DDX55: variants seen among roughly 807,000 people sequenced by gnomAD.
DDX55 encodes the protein ATP-dependent RNA helicase DDX55.
DDX55 carries 56 observed loss-of-function variants against 69.2 expected under a neutral mutation model. That is an observed-to-expected ratio of 0.81 (90% CI 0.65 to 1.01). DDX55 has a LOEUF of 1.01. DDX55 is among the 50% of genes least tolerant of loss of function. The pLI, the probability that DDX55 is intolerant of heterozygous loss-of-function variation, is 0.00. For missense variants in DDX55, 720 were observed against 745.1 expected, an observed-to-expected ratio of 0.97 and a Z score of 0.39; for synonymous variants, 268 against 273.1, an observed-to-expected ratio of 0.98 and a Z score of 0.18.
intron 7 of DDX55, among the ~76,000 whole-genome samples, chr12:123,612,636 C>G (rs975343789): frequency 3.3e-5 from 5 of 151,722 alleles, no homozygotes; most frequent in African/African-American, 1.2e-4. Context: ...AATCTCAGAC[C>G]TACTGAATCA....
intron 9 of DDX55, 92 bp downstream of exon 9, chr12:123,615,408 G>T: frequency 6.6e-7 from 1 of 1,520,952 alleles, no homozygotes; most frequent in South Asian, 1.2e-5. Context: ...TGTGCTGTCC[G>T]CATGTGTTGT....
At chr12:123,609,882 CTG>C in intron 6 of DDX55, 55 bp from the exon 7 acceptor site, 1 of 1,567,532 alleles carries the variant, frequency 6.4e-7, no homozygotes, top group Non-Finnish European at 8.6e-7. Flanking sequence ...TCGTGAAGCA[CTG>C]TGTGTTGATT....
At chr12:123,604,629 A>G (rs1171364260) in intron 1 of DDX55, among the ~76,000 whole-genome samples, 1 of 152,190 alleles carries the variant, frequency 6.6e-6, no homozygotes, top group East Asian at 1.9e-4. Flanking sequence ...TCCAAATCAA[A>G]GTGTACTCTG....
rs765405824 is a variant in DDX55 at position 123,607,465 on chromosome 12, C to G, written c.280C>G (p.Leu94Val). The part of the protein sequence containing the change: ...GAIIITPTRE[L>V]AIQIDEVLSH... ...CATAATCATCACCCCCACTCGAGAG[C>G]TGGCCATTCAAATAGACGAGGTCCT... The change falls in exon 4 of 14, where the codon CTG becomes GTG. Residue 94 changes from leucine to valine, a missense_variant. Leu to Val is a conservative substitution (Grantham distance 32). Transcript: ENST00000238146. The G allele has an allele frequency of 2.0e-5, 33 of 1,614,010 alleles. No individual in the cohort carries two copies. The Admixed American group carries it at 3.7e-4, about 18-fold the overall frequency.
Position 123,620,264 on chromosome 12 carries a change from G to A in DDX55, c.*124G>A. ...TCTGAAAAGAATGATGTCTCTGAAAGCTGTCCTTTCAGATGAGGGAGAAAT... is the reference window on the plus strand; with the variant it reads ...TCTGAAAAGAATGATGTCTCTGAAAACTGTCCTTTCAGATGAGGGAGAAAT... On this transcript the variant is annotated 3_prime_UTR_variant, in exon 14 of 14. Transcript: ENST00000238146. 2 of 936,028 alleles carry A rather than the reference G, an allele frequency of 2.1e-6. No individual in the cohort carries two copies. The highest frequency in any genetic ancestry group is 3.1e-6 in the Non-Finnish European group (2 of 638,692). 58.0% of individuals were successfully genotyped at this position (936,028 alleles called of 1,614,324 possible).
At position 123,618,645 on chromosome 12, in the gene DDX55, A is replaced by G; in HGVS notation, c.1165-24A>G. ...TATGATGCCAGCCAGGGAAGGTGAG[A>G]ATGTGGTATGTGTGTGTGTGTAGTG... On this transcript the variant is annotated intron_variant, in intron 11 of 13. Transcript: ENST00000238146. 1.9e-6 allele frequency: 3 copies of G among 1,602,520 alleles called. No homozygotes were observed. In the South Asian group the frequency reaches 3.3e-5, roughly 18 times the overall value.
intron 6 of DDX55, among the ~76,000 whole-genome samples, chr12:123,609,162 G>C (rs114321347): frequency 1.9e-3 from 291 of 151,938 alleles, no homozygotes; most frequent in African/African-American, 6.7e-3. Context: ...ATGTTGCCCA[G>C]TCTGTTCTCA....
intron 10 of DDX55, 137 bp from the exon 11 acceptor site, chr12:123,617,621 A>G: frequency 1.8e-6 from 1 of 564,310 alleles, no homozygotes; most frequent in South Asian, 3.1e-5. Flanking sequence ...CACACTAGTA[A>G]GTGGCCGAGT....
rs922339543 is a variant in DDX55, at chr12:123,602,162, C to T, written c.14C>T (p.Thr5Ile). Residue 5 changes from threonine (T) to isoleucine (I), a missense_variant, in exon 1 of 14, where the codon ACA becomes ATA. Physicochemically the swap from Thr to Ile is moderately conservative, Grantham distance 89. Coordinates refer to ENST00000238146, the MANE Select transcript of DDX55 (RefSeq NM_020936.3). Reference protein sequence around the residue: MEHVTEGSWESLPVP... With the variant: MEHVIEGSWESLPVP... Reference sequence around the variant, plus strand: ...AAGGAGCGCGCCATGGAGCATGTGACAGAGGGCTCCTGGGAGTCGCTGCCT... The same window carrying T: ...AAGGAGCGCGCCATGGAGCATGTGATAGAGGGCTCCTGGGAGTCGCTGCCT... The T allele has an allele frequency of 1.0e-5, 16 of 1,558,440 alleles. No individual in the cohort carries two copies. The highest frequency in any genetic ancestry group is 1.9e-5 in the Admixed American group (1 of 52,406).
Position 123,609,982 on chromosome 12 carries a change from G to A in DDX55, c.595G>A (p.Gly199Ser). Residue 199 changes from glycine to serine, a missense_variant, in exon 7 of 14, where the codon GGC (glycine) becomes AGC (serine). By Grantham distance (56) the Gly-to-Ser change is moderately conservative. Coordinates refer to ENST00000238146, the MANE Select transcript of DDX55 (RefSeq NM_020936.3). The part of the protein sequence containing the change: ...LEFLPKQRRT[G>S]LFSATQTQEV... ...GTTTTTGCCAAAGCAGAGGAGAACAGGCCTTTTCTCTGCCACTCAGACGCA... is the reference window on the plus strand; with the variant it reads ...GTTTTTGCCAAAGCAGAGGAGAACAAGCCTTTTCTCTGCCACTCAGACGCA... The A allele has an allele frequency of 6.2e-7, 1 of 1,614,138 alleles. No homozygotes were observed. The highest frequency in any genetic ancestry group is 8.5e-7 in the Non-Finnish European group (1 of 1,180,028).
At chr12:123,608,906 G>C in intron 6 of DDX55, 77 bp downstream of exon 6, 2 of 1,268,570 alleles carry the variant, frequency 1.6e-6, no homozygotes, top group South Asian at 3.8e-5. Context: ...GGAGTTTACT[G>C]TTTCATGACT....
intron 1 of DDX55, among the ~76,000 whole-genome samples, chr12:123,604,360 T>C (rs1020527956): frequency 2.0e-5 from 3 of 152,286 alleles, no homozygotes; most frequent in African/African-American, 7.2e-5. Flanking sequence ...CTGGGCAACA[T>C]AGGGAGGCCC....
In DDX55 at chr12:123,609,478, G is replaced by C. The variant is rs138473721; in HGVS notation, c.552-461G>C. Reference sequence around the variant, plus strand: ...CGACCTTTACTTCCTGGGCTTAAGTGATCCTCCCACCTCAGCCTCCTGAGT... The same window carrying C: ...CGACCTTTACTTCCTGGGCTTAAGTCATCCTCCCACCTCAGCCTCCTGAGT... On this transcript the variant is annotated intron_variant, in intron 6 of 13. Transcript: ENST00000238146. Among the ~76,000 whole-genome samples the C allele has an allele frequency of 4.4e-3, 650 of 148,074 alleles. 14 individuals are homozygous for C. Among genetic ancestry groups the C allele is most frequent in the Admixed American group, 0.041 (597 of 14,690 alleles).
chr12:123,614,435 T>G (rs1256016643), intron 8 of DDX55, among the ~76,000 whole-genome samples: 1 of 152,230 alleles, frequency 6.6e-6, no homozygotes, highest in Non-Finnish European at 1.5e-5. Flanking sequence ...TGCCACTTAC[T>G]CTGTGTCTCT....
chr12:123,617,685 C>A, intron 10 of DDX55, 73 bp from the exon 11 acceptor site: 2 of 1,366,906 alleles, frequency 1.5e-6, no homozygotes, highest in Non-Finnish European at 1.0e-6. Context: ...GCTGCAGCAG[C>A]CATGTGGCTG....
chr12:123,616,844 G>A, intron 10 of DDX55: 2 of 466,476 alleles, frequency 4.3e-6, no homozygotes, highest in Middle Eastern at 5.2e-4. Context: ...GACAATGAGA[G>A]AAAACAAAAA....
rs532452790 is a variant in DDX55, at chr12:123,613,200, C to T, written c.772C>T (p.Leu258=). 8.1e-6 allele frequency: 13 copies of T among 1,614,088 alleles called. No individual in the cohort carries two copies. Among genetic ancestry groups the T allele is most frequent in the South Asian group, 3.3e-5 (3 of 91,076 alleles). ...VCKADEKFNQ[L]VHFLRNHKQE... is the part of the protein sequence containing the mutation. ...CAAGGCAGATGAGAAATTTAATCAG[C>T]TGGTCCATTTTCTTCGCAATCATAA... The change falls in exon 8 of 14, where the codon CTG becomes TTG. Residue 258 remains leucine, a synonymous_variant. Transcript: ENST00000238146.
rs752354140 is a variant in DDX55, at chr12:123,606,056, A to G, written c.160-17A>G. On this transcript the variant is annotated splice_polypyrimidine_tract_variant and intron_variant, in intron 2 of 13. Transcript: ENST00000238146. ...AACTCTGAGGAAGAAAGGGAAACCA[A>G]AACTCTCTGTTTGCAGGTCACAGGT... 6.8e-7 allele frequency: 1 copy of G among 1,475,606 alleles called. No individual in the cohort carries two copies. The highest frequency in any genetic ancestry group is 9.1e-7 in the Non-Finnish European group (1 of 1,103,272). 91.4% of individuals were successfully genotyped at this position (1,475,606 alleles called of 1,614,324 possible).
rs751343691 is a variant in DDX55, at chr12:123,620,160, C to T, written c.*20C>T. On this transcript the variant is annotated 3_prime_UTR_variant, in exon 14 of 14. Coordinates refer to ENST00000238146, the MANE Select transcript of DDX55 (RefSeq NM_020936.3). ...TGCTGATTCCAGTGCCACAGATGAA[C>T]CCACAAGGACATAGCTGTTCCCTAA... 15 of 1,607,290 alleles carry T rather than the reference C, an allele frequency of 9.3e-6. No homozygotes were observed. Among genetic ancestry groups the T allele is most frequent in the Admixed American group, 1.7e-5 (1 of 59,096 alleles).
Sources: gnomAD v4.1 joint callset for allele counts (sites outside exome capture counted in the v4.1 genomes callset) on GRCh38, gnomAD v4.1.1 for gene constraint, MANE v1.5 for transcripts, NCBI Gene and HGNC (gene_info 2026-07-23, HGNC 2026-07-21) for gene names.